Variants in FBXL17 observed in about 807,000 individuals in gnomAD.
The protein encoded by FBXL17 is F-box and leucine rich repeat protein 17.
FBXL17 carries 22 observed loss-of-function variants against 66.2 expected under a neutral mutation model. The observed-to-expected ratio is 0.33, with a 90% CI of 0.24 to 0.47. The LOEUF is 0.47. Among genes scored for constraint, FBXL17 ranks in the 20% least tolerant of loss-of-function variants. FBXL17 has a pLI of 1.00. For missense variants in FBXL17, 878 were observed against 948.2 expected (o/e 0.93, Z 0.97); for synonymous variants, 474 against 400.5 (o/e 1.18, Z -2.19).
chr5:108,293,651 C>T, intron 4 of FBXL17, among the ~76,000 whole-genome samples: 1 of 152,008 alleles, frequency 6.6e-6, no homozygotes, highest in East Asian at 1.9e-4. Context: ...GATGAAACAC[C>T]ATAAAAAGCA....
chr5:108,104,161 G>A (rs867598593), intron 6 of FBXL17, among the ~76,000 whole-genome samples: 2 of 151,982 alleles, frequency 1.3e-5, no homozygotes, highest in African/African-American at 4.8e-5. Context: ...TCAGCCTCCC[G>A]AGTAGCAGGG....
At position 108,336,670 on chromosome 5, in the gene FBXL17, C is replaced by A. The variant is rs567965615; in HGVS notation, c.1506+11729G>T. ...GTTTAAAGACATTAAGTTTCAAAAT[C>A]CACTTTTAAGAAATCATTTTCTAAA... On this transcript the variant is annotated intron_variant, in intron 4 of 8. Transcript: ENST00000542267. Among the ~76,000 whole-genome samples, 420 of 152,062 alleles carry A rather than the reference C, an allele frequency of 2.8e-3. 1 individual carries two copies. Among genetic ancestry groups the A allele is most frequent in the African/African-American group, 9.4e-3 (388 of 41,496 alleles).
At chr5:107,867,444 G>A (rs1239032110) in intron 8 of FBXL17, among the ~76,000 whole-genome samples, 2 of 152,180 alleles carry the variant, frequency 1.3e-5, no homozygotes, top group Non-Finnish European at 2.9e-5. Context: ...AGACTAAAAG[G>A]CATGCTAATG....
chr5:108,249,755 G>A (rs192458287), intron 4 of FBXL17, among the ~76,000 whole-genome samples: 88 of 152,186 alleles, frequency 5.8e-4, no homozygotes, highest in African/African-American at 1.8e-3. Context: ...TATAAGCGAC[G>A]TATATTTTCT....
At chr5:108,041,726 T>C (rs902219590) in intron 6 of FBXL17, among the ~76,000 whole-genome samples, 1 of 152,156 alleles carries the variant, frequency 6.6e-6, no homozygotes, top group Non-Finnish European at 1.5e-5. Flanking sequence ...CCCCTTTTCT[T>C]TAAATAACCC....
intron 4 of FBXL17, among the ~76,000 whole-genome samples, chr5:108,282,228 TACTG>T (rs1757728771): frequency 6.6e-6 from 1 of 151,504 alleles, no homozygotes; most frequent in African/African-American, 2.4e-5. Flanking sequence ...ACAAGAAAAC[TACTG>T]ACTAATATCT....
At chr5:108,174,885 G>A (rs1423540304) in intron 6 of FBXL17, among the ~76,000 whole-genome samples, 1 of 151,950 alleles carries the variant, frequency 6.6e-6, no homozygotes, top group African/African-American at 2.4e-5. Flanking sequence ...TATTAAAAGG[G>A]CAAAATGCAC....
At chr5:108,216,857 C>T (rs534302556) in intron 5 of FBXL17, among the ~76,000 whole-genome samples, 1 of 152,246 alleles carries the variant, frequency 6.6e-6, no homozygotes, top group East Asian at 1.9e-4. Context: ...ACCTCCAGCC[C>T]ATTTGGATAA....
chr5:107,911,710 T>C (rs573022911), intron 7 of FBXL17, among the ~76,000 whole-genome samples: 1 of 152,246 alleles, frequency 6.6e-6, no homozygotes, highest in African/African-American at 2.4e-5. Context: ...TGTAGCTTCA[T>C]AAAATTAAAT....
chr5:108,064,438 T>C (rs954028472), intron 6 of FBXL17, among the ~76,000 whole-genome samples: 3 of 152,110 alleles, frequency 2.0e-5, no homozygotes, highest in African/African-American at 7.2e-5. Context: ...ACATGTATAT[T>C]CATCCCTGCT....
chr5:107,963,779 G>C (rs1056056677), intron 7 of FBXL17, among the ~76,000 whole-genome samples: 1 of 152,054 alleles, frequency 6.6e-6, no homozygotes, highest in African/African-American at 2.4e-5. Flanking sequence ...AAATCATGTT[G>C]CTTCTCTGTG....
chr5:108,258,270 C>G (rs72791257), intron 4 of FBXL17, among the ~76,000 whole-genome samples: 4 of 152,076 alleles, frequency 2.6e-5, no homozygotes, highest in Non-Finnish European at 5.9e-5. Flanking sequence ...AGTGCCCTCA[C>G]CAGAAATCAA....
chr5:108,379,318 A>C (rs918655214), intron 1 of FBXL17, among the ~76,000 whole-genome samples: 1 of 152,208 alleles, frequency 6.6e-6, no homozygotes, highest in South Asian at 2.1e-4. Flanking sequence ...TTATTTATCC[A>C]TATCACCCAG....
At chr5:108,067,658 T>C (rs1208518755) in intron 6 of FBXL17, among the ~76,000 whole-genome samples, 1 of 152,128 alleles carries the variant, frequency 6.6e-6, no homozygotes, top group South Asian at 2.1e-4. Flanking sequence ...AACCCAACTT[T>C]GTATTTGTAG....
chr5:108,181,222 T>C (rs779583066), intron 6 of FBXL17, among the ~76,000 whole-genome samples: 1 of 152,034 alleles, frequency 6.6e-6, no homozygotes, highest in Non-Finnish European at 1.5e-5. Flanking sequence ...CTGATATAAA[T>C]ACAAAAAAAT....
chr5:108,378,135 C>T (rs565994674), intron 1 of FBXL17, among the ~76,000 whole-genome samples: 4 of 151,534 alleles, frequency 2.6e-5, no homozygotes, highest in South Asian at 4.1e-4. Flanking sequence ...GTAATATTAA[C>T]CTATATAAAA....
chr5:108,143,697 C>T (rs1291823140), intron 6 of FBXL17, among the ~76,000 whole-genome samples: 3 of 128,358 alleles, frequency 2.3e-5, no homozygotes, highest in South Asian at 2.7e-4. Context: ...CTATATTCTT[C>T]ATACTTGTGA....
intron 4 of FBXL17, among the ~76,000 whole-genome samples, chr5:108,309,195 C>A (rs893687645): frequency 7.9e-5 from 12 of 151,930 alleles, no homozygotes; most frequent in Admixed American, 7.9e-4. Context: ...TTCCTTCACA[C>A]AGAATAATGA....
At chr5:108,038,778 T>A (rs1746943879) in intron 6 of FBXL17, among the ~76,000 whole-genome samples, 1 of 152,024 alleles carries the variant, frequency 6.6e-6, no homozygotes, top group African/African-American at 2.4e-5. Flanking sequence ...TTGTAAAAAT[T>A]TAGAGAATGT....
Sources: gnomAD v4.1 joint callset for allele counts (sites outside exome capture counted in the v4.1 genomes callset) on GRCh38, gnomAD v4.1.1 for gene constraint, MANE v1.5 for transcripts, NCBI Gene and HGNC (gene_info 2026-07-23, HGNC 2026-07-21) for gene names.